PTPRM: variants seen among roughly 807,000 people sequenced by gnomAD.
PTPRM encodes the protein receptor-type tyrosine-protein phosphatase mu.
PTPRM carries 47 observed loss-of-function variants against 186.7 expected under a neutral mutation model. The observed-to-expected ratio is 0.25, with a 90% CI of 0.20 to 0.32. The LOEUF is 0.32. PTPRM is among the 10% of genes least tolerant of loss of function. The probability of loss-of-function intolerance (pLI) is 1.00; values close to 1 mark genes in which losing one functional copy is unlikely to be tolerated. For synonymous variants in PTPRM, 668 were observed against 674.9 expected, an observed-to-expected ratio of 0.99 and a Z score of 0.16; for missense variants, 1,494 against 1,865.0, an observed-to-expected ratio of 0.80 and a Z score of 3.66.
chr18:7,793,852 AC>A (rs2145238636), intron 2 of PTPRM, among the ~76,000 whole-genome samples: 1 of 152,288 alleles, frequency 6.6e-6, no homozygotes, highest in South Asian at 2.1e-4. Context: ...TTGCAGGCAG[AC>A]ACACAAGCAG....
intron 5 of PTPRM, among the ~76,000 whole-genome samples, chr18:7,945,998 T>C (rs2052498240): frequency 6.6e-6 from 1 of 152,230 alleles, no homozygotes; most frequent in African/African-American, 2.4e-5. Flanking sequence ...TGTGATTAAG[T>C]ACAGGAGTTA....
intron 19 of PTPRM, among the ~76,000 whole-genome samples, chr18:8,259,228 C>A (rs146290346): frequency 6.6e-6 from 1 of 152,274 alleles, no homozygotes; most frequent in East Asian, 1.9e-4. Context: ...GGATTATAGG[C>A]ATGAGCTGCT....
chr18:7,725,424 C>T (rs137977689), intron 1 of PTPRM, among the ~76,000 whole-genome samples: 15 of 152,144 alleles, frequency 9.9e-5, no homozygotes, highest in African/African-American at 2.7e-4. Flanking sequence ...CAGAAAAGGA[C>T]GGGTCCCTGG....
chr18:7,909,324 T>C (rs2050150102), intron 4 of PTPRM, among the ~76,000 whole-genome samples: 1 of 152,208 alleles, frequency 6.6e-6, no homozygotes, highest in African/African-American at 2.4e-5. Flanking sequence ...ATACCTGTGC[T>C]AATACCTAAT....
chr18:8,248,185 A>G lies in PTPRM; in HGVS notation c.2554+9A>G, dbSNP rs758848324. The G allele has an allele frequency of 2.6e-6, 4 of 1,527,456 alleles. No homozygotes were observed. The highest frequency in any genetic ancestry group is 3.6e-6 in the Non-Finnish European group (4 of 1,101,316). 94.6% of individuals were successfully genotyped at this position (1,527,456 alleles called of 1,614,324 possible). A position where few individuals can be genotyped will look rare whatever the true frequency, so the allele number is the denominator to read the frequency against. On this transcript the variant is annotated intron_variant, in intron 17 of 32. Transcript: ENST00000580170. ...GCCAACTGCAATTTTAGGTGAGAAC[A>G]TTTCCCTTTACCACAGTTTATTGCA... is the stretch of plus-strand genomic sequence containing the variant.
At chr18:8,249,179 A>G (rs1346971232) in intron 17 of PTPRM, among the ~76,000 whole-genome samples, 1 of 152,164 alleles carries the variant, frequency 6.6e-6, no homozygotes, top group African/African-American at 2.4e-5. Context: ...ACAAGGGTTT[A>G]TATCTTTCCA....
chr18:8,325,265 A>C (rs1158877990), intron 22 of PTPRM, among the ~76,000 whole-genome samples: 1 of 152,172 alleles, frequency 6.6e-6, no homozygotes, highest in Admixed American at 6.5e-5. Flanking sequence ...TGTCACCCAG[A>C]TAATAAGCAT....
intron 19 of PTPRM, among the ~76,000 whole-genome samples, chr18:8,289,637 CAT>C (rs1220519004): frequency 2.9e-5 from 4 of 138,104 alleles, no homozygotes; most frequent in South Asian, 2.4e-4. Context: ...TATATACACA[CAT>C]ATATATATAG....
At chr18:8,384,800 C>A (rs1327917456) in intron 30 of PTPRM, 114 bp downstream of exon 30, 10 of 1,340,516 alleles carry the variant, frequency 7.5e-6, no homozygotes, top group African/African-American at 5.8e-5. Context: ...TGGAGTATGT[C>A]AGTGAACCAA....
intron 1 of PTPRM, among the ~76,000 whole-genome samples, chr18:7,773,655 G>A (rs1365846601): frequency 1.1e-4 from 17 of 149,738 alleles, no homozygotes; most frequent in African/African-American, 4.2e-4. Flanking sequence ...GCATGATCTC[G>A]GCTCACTGCA....
At chr18:7,973,132 C>T (rs2054682057) in intron 7 of PTPRM, among the ~76,000 whole-genome samples, 1 of 151,884 alleles carries the variant, frequency 6.6e-6, no homozygotes. Context: ...TTTATTTAGC[C>T]CCTCCTCTCT....
intron 17 of PTPRM, chr18:8,251,795 A>C (rs575502409): frequency 1.3e-4 from 20 of 152,350 alleles, no homozygotes; most frequent in African/African-American, 4.8e-4. Flanking sequence ...ACTTCTCCGT[A>C]AAAAATAAAT....
intron 1 of PTPRM, among the ~76,000 whole-genome samples, chr18:7,687,617 T>A (rs2039633151): frequency 6.6e-6 from 1 of 152,122 alleles, no homozygotes; most frequent in Admixed American, 6.6e-5. Context: ...AACATTATAA[T>A]GTGTTGGCAG....
At chr18:8,382,862 C>G (rs1044804294) in intron 29 of PTPRM, among the ~76,000 whole-genome samples, 1 of 152,200 alleles carries the variant, frequency 6.6e-6, no homozygotes, top group African/African-American at 2.4e-5. Flanking sequence ...AGTGGATCCT[C>G]CTTTCCTGAC....
intron 13 of PTPRM, among the ~76,000 whole-genome samples, chr18:8,119,552 A>G (rs1445149676): frequency 6.6e-6 from 1 of 152,216 alleles, no homozygotes; most frequent in Non-Finnish European, 1.5e-5. Context: ...ATCGTTCAGC[A>G]TTTTATAGAG....
chr18:8,201,678 C>T (rs1164083189), intron 14 of PTPRM, among the ~76,000 whole-genome samples: 2 of 152,124 alleles, frequency 1.3e-5, no homozygotes, highest in Non-Finnish European at 2.9e-5. Context: ...TCTTGCTGTG[C>T]CCTCTCGTAG....
intron 1 of PTPRM, among the ~76,000 whole-genome samples, chr18:7,674,210 A>G (rs1014851924): frequency 2.0e-5 from 3 of 152,170 alleles, no homozygotes; most frequent in East Asian, 3.8e-4. Flanking sequence ...AAGGATTCCT[A>G]TGTCATCGGT....
intron 1 of PTPRM, among the ~76,000 whole-genome samples, chr18:7,752,333 G>A (rs2144636123): frequency 6.6e-6 from 1 of 152,234 alleles, no homozygotes; most frequent in South Asian, 2.1e-4. Flanking sequence ...AAGTATGTAT[G>A]CTAGGCCTCG....
chr18:7,710,405 A>C (rs2040187196), intron 1 of PTPRM, among the ~76,000 whole-genome samples: 1 of 152,230 alleles, frequency 6.6e-6, no homozygotes, highest in African/African-American at 2.4e-5. Context: ...TCAAAGTAAT[A>C]AAAGCCATCT....
Sources: allele counts gnomAD v4.1 joint callset (sites outside exome capture counted in the v4.1 genomes callset), GRCh38; gene constraint gnomAD v4.1.1; transcripts MANE v1.5; gene names NCBI Gene and HGNC (gene_info 2026-07-23, HGNC 2026-07-21).